The following CCSER1 variants were observed in gnomAD, a reference collection of about 807,000 sequenced individuals.
CCSER1 encodes the protein coiled-coil serine rich protein 1.
CCSER1 carries 41 observed loss-of-function variants against 82.0 expected under a neutral mutation model. The observed-to-expected ratio is 0.50, with a 90% CI of 0.39 to 0.65. The LOEUF (loss-of-function observed/expected upper bound fraction) is 0.65, where lower values mean the gene tolerates loss of function less well. Ranked by LOEUF, CCSER1 falls within the 30% of genes least tolerant of loss-of-function variation. The probability of loss-of-function intolerance (pLI) is 0.00; values close to 1 mark genes in which losing one functional copy is unlikely to be tolerated. For missense variants in CCSER1, 1,119 were observed against 1,064.2 expected (o/e 1.05, Z -0.72); for synonymous variants, 414 against 383.9 (o/e 1.08, Z -0.92).
At chr4:91,346,824 A>G (rs879654271) in intron 10 of CCSER1, among the ~76,000 whole-genome samples, 5 of 152,092 alleles carry the variant, frequency 3.3e-5, no homozygotes, top group Non-Finnish European at 5.9e-5. Context: ...ATTTTAAATT[A>G]TATTGTTTGT....
intron 10 of CCSER1, among the ~76,000 whole-genome samples, chr4:91,334,035 G>A (rs1406587685): frequency 6.6e-6 from 1 of 151,980 alleles, no homozygotes; most frequent in Admixed American, 6.6e-5. Context: ...AGCAGCTAAA[G>A]AGTTAAATTG....
intron 10 of CCSER1, among the ~76,000 whole-genome samples, chr4:91,188,510 T>C (rs984755786): frequency 2.6e-5 from 4 of 152,212 alleles, no homozygotes; most frequent in Non-Finnish European, 4.4e-5. Flanking sequence ...TTACAATTAT[T>C]ACACATTTTC....
chr4:91,060,808 A>C (rs1743889666), intron 9 of CCSER1, among the ~76,000 whole-genome samples: 1 of 152,066 alleles, frequency 6.6e-6, no homozygotes, highest in Non-Finnish European at 1.5e-5. Context: ...GTTCATTTTA[A>C]CAGGAAAATG....
chr4:90,692,897 A>G (rs1736273740), intron 6 of CCSER1, among the ~76,000 whole-genome samples: 1 of 151,936 alleles, frequency 6.6e-6, no homozygotes, highest in Non-Finnish European at 1.5e-5. Flanking sequence ...TTGGCTTTCA[A>G]AATTATCCTT....
chr4:90,997,042 G>A (rs1737559993), intron 9 of CCSER1, among the ~76,000 whole-genome samples: 2 of 152,110 alleles, frequency 1.3e-5, no homozygotes, highest in Non-Finnish European at 2.9e-5. Context: ...ACTCTATGGT[G>A]TATTCACTTC....
intron 1 of CCSER1, among the ~76,000 whole-genome samples, chr4:90,196,232 A>C (rs1249733164): frequency 1.3e-5 from 2 of 152,046 alleles, no homozygotes; most frequent in East Asian, 1.9e-4. Flanking sequence ...GAATGCCAGC[A>C]ATCCTCCACT....
intron 4 of CCSER1, among the ~76,000 whole-genome samples, chr4:90,459,312 A>G (rs531786262): frequency 1.6e-4 from 24 of 152,320 alleles, no homozygotes; most frequent in African/African-American, 5.5e-4. Flanking sequence ...AGTAGTAGCA[A>G]TGTAGATTCA....
rs562398635 is a variant in CCSER1 at position 90,265,783 on chromosome 4, CAT to C, written c.-41-42459_-41-42458del. 8.9e-3 allele frequency among the ~76,000 whole-genome samples: 1,357 copies of C among 152,094 alleles called. 19 individuals are homozygous for C. Among genetic ancestry groups the C allele is most frequent in the African/African-American group, 0.031 (1,287 of 41,520 alleles). ...ACTTCTGTAAGAGAAATAAATTGGT[CAT>C]AATTGTATTTCATTTTCTTGATTGA... On this transcript the variant is annotated intron_variant, in intron 1 of 10. Coordinates refer to ENST00000509176, the MANE Select transcript of CCSER1 (RefSeq NM_001145065.2).
chr4:90,527,566 A>G (rs1194664035), intron 5 of CCSER1, among the ~76,000 whole-genome samples: 3 of 152,192 alleles, frequency 2.0e-5, no homozygotes, highest in Non-Finnish European at 4.4e-5. Context: ...AAGTTGGGAC[A>G]ATGTTTTACC....
intron 9 of CCSER1, among the ~76,000 whole-genome samples, chr4:91,005,390 TAC>T (rs10555507): frequency 0.35 from 51,658 of 148,880 alleles, 8,968 homozygotes; most frequent in Admixed American, 0.48. Context: ...GAAGTAATTT[TAC>T]ACACACACAC....
chr4:90,600,462 G>T lies in CCSER1; in HGVS notation c.1725-27563G>T, dbSNP rs1255465324. ...CTTTTTCTGAGCTTATTTGCTATCT[G>T]TATATCTTCTTTAATGAAGTATCTT... On this transcript the variant is annotated intron_variant, in intron 5 of 10. Coordinates refer to ENST00000509176, the MANE Select transcript of CCSER1 (RefSeq NM_001145065.2). Among the ~76,000 whole-genome samples the T allele has an allele frequency of 5.3e-5, 8 of 152,116 alleles. No individual in the cohort carries two copies. In the South Asian group the frequency reaches 1.0e-3, roughly 20 times the overall value.
At chr4:90,549,481 T>C (rs1184766607) in intron 5 of CCSER1, among the ~76,000 whole-genome samples, 5 of 152,106 alleles carry the variant, frequency 3.3e-5, no homozygotes, top group African/African-American at 1.2e-4. Context: ...TGATCATTCA[T>C]GGCACTGTTT....
Position 91,324,468 on chromosome 4 carries a change from T to C in CCSER1, c.2217+238474T>C, listed in dbSNP as rs1746412242. ...GACAAGTTTTGAAAATGTTGGATCT[T>C]TTAAATTTAAATTTCTAAAGAAGTT... On this transcript the variant is annotated intron_variant, in intron 10 of 10. Coordinates refer to ENST00000509176, the MANE Select transcript of CCSER1 (RefSeq NM_001145065.2). Among the ~76,000 whole-genome samples, 5 of 152,306 alleles carry C rather than the reference T, an allele frequency of 3.3e-5. 1 individual carries two copies. The South Asian group carries it at 1.0e-3, about 32-fold the overall frequency.
chr4:91,359,400 A>C (rs1749099034), intron 10 of CCSER1, among the ~76,000 whole-genome samples: 1 of 151,806 alleles, frequency 6.6e-6, no homozygotes, highest in Non-Finnish European at 1.5e-5. Flanking sequence ...AGTATAAAGC[A>C]ACGTAAAACA....
intron 10 of CCSER1, among the ~76,000 whole-genome samples, chr4:91,231,668 G>A (rs1283328495): frequency 6.6e-6 from 1 of 151,768 alleles, no homozygotes; most frequent in Non-Finnish European, 1.5e-5. Context: ...ATGAATTCAT[G>A]TAAAGTTATA....
chr4:91,562,487 GCAAA>G (rs936214015), intron 10 of CCSER1, among the ~76,000 whole-genome samples: 37 of 151,436 alleles, frequency 2.4e-4, no homozygotes, highest in African/African-American at 8.5e-4. Context: ...TCTACCTCTT[GCAAA>G]CAGAGCAGCT....
rs1757515716 is a variant in CCSER1 at position 91,475,127 on chromosome 4, G to A, written c.2218-123445G>A. ...CTGCTGATGAGAATTTTGTTGTCCA[G>A]GACAATTGTCATTCCTTTGTAAGTG... On this transcript the variant is annotated intron_variant, in intron 10 of 10. Transcript: ENST00000509176. 2.6e-5 allele frequency among the ~76,000 whole-genome samples: 4 copies of A among 151,674 alleles called. No individual in the cohort carries two copies. The South Asian group carries it at 8.3e-4, about 32-fold the overall frequency.
chr4:91,483,688 G>A (rs1175140181), intron 10 of CCSER1, among the ~76,000 whole-genome samples: 4 of 151,970 alleles, frequency 2.6e-5, no homozygotes, highest in Admixed American at 1.3e-4. Flanking sequence ...CACCCGCCTC[G>A]GCCTCCCAAA....
chr4:90,217,623 G>A (rs1741317724), intron 1 of CCSER1, among the ~76,000 whole-genome samples: 1 of 152,094 alleles, frequency 6.6e-6, no homozygotes, highest in Non-Finnish European at 1.5e-5. Context: ...GGCACTTCCA[G>A]TACTATGTTG....
Sources: gnomAD v4.1 joint callset for allele counts (sites outside exome capture counted in the v4.1 genomes callset) on GRCh38, gnomAD v4.1.1 for gene constraint, MANE v1.5 for transcripts, NCBI Gene and HGNC (gene_info 2026-07-23, HGNC 2026-07-21) for gene names.